The following PRKCD variants were observed in gnomAD, a reference collection of about 807,000 sequenced individuals.
PRKCD encodes protein kinase C delta type.
In PRKCD, 20 loss-of-function variants were observed where a neutral mutation model predicts 82.2. The ratio of observed to expected loss-of-function variants is 0.24; its 90% CI spans 0.17 to 0.35. The LOEUF is 0.35. PRKCD is among the 10% of genes least tolerant of loss of function. PRKCD has a pLI of 1.00. For missense variants in PRKCD, 607 were observed against 899.0 expected, an observed-to-expected ratio of 0.68 and a Z score of 4.15; for synonymous variants, 317 against 337.0, an observed-to-expected ratio of 0.94 and a Z score of 0.65.
chr3:53,167,620 A>G (rs1553664101), intron 2 of PRKCD, among the ~76,000 whole-genome samples: 1 of 152,274 alleles, frequency 6.6e-6, no homozygotes, highest in East Asian at 1.9e-4. Flanking sequence ...TAACATATGC[A>G]AAGTAGCTGG....
chr3:53,175,952 C>A (rs1376428993), intron 2 of PRKCD, among the ~76,000 whole-genome samples: 3 of 152,230 alleles, frequency 2.0e-5, no homozygotes, highest in Non-Finnish European at 4.4e-5. Flanking sequence ...CAGGCCCACG[C>A]AGCTTGCTTT....
At chr3:53,182,332 G>A (rs576902412) in intron 7 of PRKCD, among the ~76,000 whole-genome samples, 2 of 151,948 alleles carry the variant, frequency 1.3e-5, no homozygotes, top group South Asian at 4.2e-4. Flanking sequence ...GCAGTTGTGC[G>A]ATCTCAGCTC....
intron 16 of PRKCD, 64 bp from the exon 17 acceptor site, chr3:53,188,994 C>T: frequency 3.8e-6 from 6 of 1,572,128 alleles, no homozygotes; most frequent in Non-Finnish European, 5.2e-6. Context: ...GGCTTCGTGC[C>T]CAGGGGCCCC....
At chr3:53,174,931 GC>G (rs1703164439) in intron 2 of PRKCD, among the ~76,000 whole-genome samples, 1 of 152,214 alleles carries the variant, frequency 6.6e-6, no homozygotes, top group Non-Finnish European at 1.5e-5. Flanking sequence ...TCTGAGTGTG[GC>G]CTGAGAGAGC....
chr3:53,167,102 C>G (rs1462353365), intron 2 of PRKCD, among the ~76,000 whole-genome samples: 1 of 152,214 alleles, frequency 6.6e-6, no homozygotes, highest in Non-Finnish European at 1.5e-5. Context: ...AAGCCTGGGC[C>G]TAGGAGAGAG....
chr3:53,163,786 T>G (rs1364817934), intron 1 of PRKCD, among the ~76,000 whole-genome samples: 3 of 152,026 alleles, frequency 2.0e-5, no homozygotes, highest in Non-Finnish European at 4.4e-5. Context: ...CCTTCCCATC[T>G]CCTTGACCAA....
intron 2 of PRKCD, among the ~76,000 whole-genome samples, chr3:53,177,556 A>G (rs1703253293): frequency 6.6e-6 from 1 of 152,146 alleles, no homozygotes; most frequent in African/African-American, 2.4e-5. Flanking sequence ...CTGGGTAGTT[A>G]TGAAGAAAAA....
rs1020765829 is a variant in PRKCD, at chr3:53,169,796, C to A, written c.-20+4581C>A. ...CCTCAGGCCAGAACAGGGCACCCTG[C>A]GGCTGGGGGGCTTAACAGAGCCTCT... On this transcript the variant is annotated intron_variant, in intron 2 of 18. Transcript: ENST00000330452. The surrounding 1 kb of genome is among the most constrained non-coding windows in gnomAD (Gnocchi z 4.7). Among the ~76,000 whole-genome samples, 3 of 152,306 alleles carry A rather than the reference C, an allele frequency of 2.0e-5. No homozygotes were observed. Among genetic ancestry groups the A allele is most frequent in the East Asian group, 3.9e-4 (2 of 5,182 alleles).
rs1703619240 is a variant in PRKCD at position 53,184,982 on chromosome 3, G to A, written c.888+8G>A. The A allele has an allele frequency of 1.9e-6, 3 of 1,612,814 alleles. No individual in the cohort carries two copies. Among genetic ancestry groups the A allele is most frequent in the Non-Finnish European group, 2.5e-6 (3 of 1,178,882 alleles). On this transcript the variant is annotated splice_region_variant and intron_variant, in intron 10 of 18. Coordinates refer to ENST00000330452, the MANE Select transcript of PRKCD (RefSeq NM_006254.4). ...TTGAACCAAGTCACCCAGGTGGGCA[G>A]GTGCCATGGGGACCCTGGACACAGG...
At chr3:53,171,157 T>C (rs1224980201) in intron 2 of PRKCD, among the ~76,000 whole-genome samples, 1 of 152,184 alleles carries the variant, frequency 6.6e-6, no homozygotes, top group Non-Finnish European at 1.5e-5. Flanking sequence ...CCCCTTGTCC[T>C]CACAGGATCT....
chr3:53,182,244 C>T (rs1380034231), intron 7 of PRKCD, among the ~76,000 whole-genome samples: 4 of 151,836 alleles, frequency 2.6e-5, no homozygotes, highest in Non-Finnish European at 4.4e-5. Flanking sequence ...GTTACTTAAC[C>T]TCTCTGTGCC....
chr3:53,187,926 C>A (rs1285079131), intron 15 of PRKCD, among the ~76,000 whole-genome samples: 1 of 152,116 alleles, frequency 6.6e-6, no homozygotes, highest in African/African-American at 2.4e-5. Flanking sequence ...ATGGCTCACG[C>A]CTGTAATCCC....
At chr3:53,180,715 T>G (rs1434142003) in intron 4 of PRKCD, among the ~76,000 whole-genome samples, 1 of 152,008 alleles carries the variant, frequency 6.6e-6, no homozygotes, top group Non-Finnish European at 1.5e-5. Context: ...CAGGTCTAGG[T>G]CTTGGGGGAG....
chr3:53,192,254 C>T lies in PRKCD; in HGVS notation c.2019C>T (p.Leu673=), dbSNP rs1553671115. 1.2e-6 allele frequency: 2 copies of T among 1,614,128 alleles called. No individual in the cohort carries two copies. Among genetic ancestry groups the T allele is most frequent in the South Asian group, 2.2e-5 (2 of 91,082 alleles). Residue 673 remains leucine, a synonymous_variant, in exon 19 of 19, where the codon CTC becomes CTT. Coordinates refer to ENST00000330452, the MANE Select transcript of PRKCD (RefSeq NM_006254.4). ...FSFVNPKFEH[L]LED is the part of the protein sequence containing the mutation. ...TTGTGAACCCCAAATTCGAGCACCTCCTGGAAGATTGAGGTTCCTGGACAG... is the reference window on the plus strand; with the variant it reads ...TTGTGAACCCCAAATTCGAGCACCTTCTGGAAGATTGAGGTTCCTGGACAG...
rs373350409 is a variant in PRKCD, at chr3:53,186,043, C to T, written c.1086+16C>T. ...CTTCGGGAAGGTGAGGGCTGTGAGC[C>T]GGGCACCTGCTTCCCACCCCACCCT... is the stretch of plus-strand genomic sequence containing the variant. On this transcript the variant is annotated intron_variant, in intron 12 of 18. Transcript: ENST00000330452. The T allele has an allele frequency of 3.7e-5, 60 of 1,613,570 alleles. No individual in the cohort carries two copies. The highest frequency in any genetic ancestry group is 6.6e-5 in the South Asian group (6 of 91,050).
At position 53,169,908 on chromosome 3, in the gene PRKCD, C is replaced by T. The variant is rs1412422407; in HGVS notation, c.-20+4693C>T. ...CCCAGGCAGCAGATCTGAGCTAGGC[C>T]TGTCTAGGTCCAAGCTCGCCGGTTC... On this transcript the variant is annotated intron_variant, in intron 2 of 18. Coordinates refer to ENST00000330452, the MANE Select transcript of PRKCD (RefSeq NM_006254.4). This position sits in a 1 kb window ranked among gnomAD's most constrained non-coding sequence, Gnocchi z 4.7. 3.3e-5 allele frequency among the ~76,000 whole-genome samples: 5 copies of T among 152,210 alleles called. No individual in the cohort carries two copies. Among genetic ancestry groups the T allele is most frequent in the African/African-American group, 1.2e-4 (5 of 41,452 alleles).
intron 3 of PRKCD, 106 bp from the exon 4 acceptor site, chr3:53,179,471 C>T: frequency 6.8e-7 from 1 of 1,463,702 alleles, no homozygotes; most frequent in Non-Finnish European, 9.6e-7. Flanking sequence ...AGCAGGCCCT[C>T]AAGGCAGGAG....
Position 53,183,545 on chromosome 3 carries a change from C to A in PRKCD, c.751C>A (p.Leu251Ile). 6 of 1,614,232 alleles carry A rather than the reference C, an allele frequency of 3.7e-6. No homozygotes were observed. The highest frequency in any genetic ancestry group is 4.2e-6 in the Non-Finnish European group (5 of 1,180,026). Residue 251 changes from leucine to isoleucine, a missense_variant, in exon 9 of 19, where the codon CTC becomes ATC. Physicochemically the swap from Leu to Ile is conservative, Grantham distance 5 (BLOSUM62 2). Coordinates refer to ENST00000330452, the MANE Select transcript of PRKCD (RefSeq NM_006254.4). ...CTTCTGTGACCACTGCGGCAGCCTG[C>A]TCTGGGGACTGGTGAAGCAGGGATT... is the stretch of plus-strand genomic sequence containing the variant. ...PTFCDHCGSL[L>I]WGLVKQGLKC...
intron 4 of PRKCD, among the ~76,000 whole-genome samples, chr3:53,180,001 C>A (rs1437284884): frequency 6.6e-6 from 1 of 152,196 alleles, no homozygotes; most frequent in African/African-American, 2.4e-5. Context: ...GCTTCTGCTT[C>A]CGCATCTGTT....
Sources: allele counts gnomAD v4.1 joint callset (sites outside exome capture counted in the v4.1 genomes callset), GRCh38; gene constraint gnomAD v4.1.1; non-coding constraint Gnocchi (gnomAD v3.1); transcripts MANE v1.5; gene names NCBI Gene and HGNC (gene_info 2026-07-23, HGNC 2026-07-21).